The following ZC3H12B variants were observed in gnomAD, a reference collection of about 807,000 sequenced individuals.
ZC3H12B encodes the protein zinc finger CCCH-type containing 12B, also known as probable ribonuclease ZC3H12B.
A neutral mutation model predicts 43.9 loss-of-function variants in ZC3H12B; 7 were observed. The observed-to-expected ratio is 0.16, with a 90% CI of 0.09 to 0.30. ZC3H12B has a LOEUF of 0.30. Among genes scored for constraint, ZC3H12B ranks in the 10% least tolerant of loss-of-function variants. The pLI is 1.00. For missense variants in ZC3H12B, 475 were observed against 670.2 expected, an observed-to-expected ratio of 0.71 and a Z score of 3.22; for synonymous variants, 222 against 241.7, an observed-to-expected ratio of 0.92 and a Z score of 0.76.
At chrX:65,150,854 T>C in the ZC3H12B span, among the ~76,000 whole-genome samples, 1 of 111,449 alleles carries the variant, frequency 9.0e-6, no homozygotes, top group Admixed American at 9.6e-5. Context: ...CTTTTGGCAT[T>C]CTAGTCTCCA....
At chrX:65,326,362 G>T in the ZC3H12B span, among the ~76,000 whole-genome samples, 4 of 111,054 alleles carry the variant, frequency 3.6e-5, no homozygotes, top group East Asian at 2.8e-4. Flanking sequence ...CAAAAACATG[G>T]ATGAGACTGG....
At chrX:65,448,380 C>A (rs1406412830) in intron 3 of ZC3H12B, among the ~76,000 whole-genome samples, 1 of 112,215 alleles carries the variant, frequency 8.9e-6, no homozygotes, top group Non-Finnish European at 1.9e-5. Flanking sequence ...ATCCAGCAAT[C>A]CCACTACAGG....
chrX:65,310,053 G>T, the ZC3H12B span, among the ~76,000 whole-genome samples: 73 of 111,869 alleles, frequency 6.5e-4, no homozygotes, highest in Non-Finnish European at 1.0e-3. Flanking sequence ...ATACTGAATG[G>T]GCAAAACCTG....
chrX:65,449,026 G>T (rs1417597886), intron 3 of ZC3H12B, among the ~76,000 whole-genome samples: 1 of 61,931 alleles, frequency 1.6e-5, no homozygotes, highest in Non-Finnish European at 2.9e-5. Context: ...AAGGAAAGAA[G>T]GAAAGAAAGA....
chrX:65,167,465 G>A, the ZC3H12B span, among the ~76,000 whole-genome samples: 1 of 111,808 alleles, frequency 8.9e-6, no homozygotes, highest in Non-Finnish European at 1.9e-5. Context: ...GTAGTTTGAA[G>A]TCAGGTAGCG....
At chrX:65,408,451 C>G in intron 3 of ZC3H12B, 1 of 1,210,199 alleles carries the variant, frequency 8.3e-7, no homozygotes, top group Non-Finnish European at 1.1e-6. Flanking sequence ...ATGCCATCAT[C>G]GGGCAGCAGC....
chrX:65,080,272 G>A, the ZC3H12B span, among the ~76,000 whole-genome samples: 6 of 107,780 alleles, frequency 5.6e-5, no homozygotes, highest in Non-Finnish European at 1.1e-4. Context: ...TGACCTTAAC[G>A]AAGAGGTAGA....
the ZC3H12B span, among the ~76,000 whole-genome samples, chrX:65,055,888 G>C: frequency 8.9e-6 from 1 of 111,928 alleles, no homozygotes; most frequent in Non-Finnish European, 1.9e-5. Flanking sequence ...GGTGTTCATA[G>C]TATTCTCTGA....
intron 2 of ZC3H12B, among the ~76,000 whole-genome samples, chrX:65,385,315 T>C (rs2066507109): frequency 8.9e-6 from 1 of 111,961 alleles, no homozygotes; most frequent in Non-Finnish European, 1.9e-5. Flanking sequence ...TGTGTCCTCT[T>C]TTATTTCTTT....
At chrX:65,458,848 A>G (rs1352155408) in intron 3 of ZC3H12B, among the ~76,000 whole-genome samples, 1 of 111,623 alleles carries the variant, frequency 9.0e-6, no homozygotes, top group East Asian at 2.8e-4. Flanking sequence ...AAGACAAGAA[A>G]TAACTAAGAT....
At chrX:65,397,063 C>T (rs79778465) in intron 2 of ZC3H12B, among the ~76,000 whole-genome samples, 6 of 111,083 alleles carry the variant, frequency 5.4e-5, no homozygotes, top group Admixed American at 9.6e-5. Flanking sequence ...GGTAAATATT[C>T]CTCCATTCCT....
chrX:65,144,710 A>G, the ZC3H12B span, among the ~76,000 whole-genome samples: 2 of 111,303 alleles, frequency 1.8e-5, no homozygotes, highest in African/African-American at 6.5e-5. Context: ...TTTAATTTTC[A>G]TCTTGATTTC....
chrX:65,181,016 C>A, the ZC3H12B span, among the ~76,000 whole-genome samples: 1 of 111,331 alleles, frequency 9.0e-6, no homozygotes, highest in African/African-American at 3.3e-5. Flanking sequence ...TACAAACCTA[C>A]AGTAACCAAA....
the ZC3H12B span, among the ~76,000 whole-genome samples, chrX:65,352,467 T>A: frequency 2.1e-4 from 21 of 101,611 alleles, no homozygotes; most frequent in Non-Finnish European, 3.6e-4. Flanking sequence ...AAGTATAATT[T>A]AAAAAAAAAA....
At chrX:65,431,008 C>T (rs2067154868) in intron 3 of ZC3H12B, among the ~76,000 whole-genome samples, 1 of 112,210 alleles carries the variant, frequency 8.9e-6, no homozygotes, top group Non-Finnish European at 1.9e-5. Flanking sequence ...TAATTGGCCA[C>T]TTTGGCCAAC....
At chrX:65,169,350 G>A in the ZC3H12B span, among the ~76,000 whole-genome samples, 1 of 112,038 alleles carries the variant, frequency 8.9e-6, no homozygotes, top group Admixed American at 9.5e-5. Flanking sequence ...AGTTTTTAGT[G>A]AGTTTCTTAA....
the ZC3H12B span, among the ~76,000 whole-genome samples, chrX:65,210,021 G>A: frequency 1.6e-5 from 1 of 61,633 alleles, no homozygotes; most frequent in African/African-American, 2.1e-4. Context: ...AGGACTTCAT[G>A]TCCAAAACAC....
intron 3 of ZC3H12B, among the ~76,000 whole-genome samples, chrX:65,452,879 C>CACACACACACACA (rs767117957): frequency 9.4e-5 from 10 of 106,747 alleles, no homozygotes; most frequent in African/African-American, 3.2e-4. Flanking sequence ...CACACACACA[C>CACACACACACACA]CATGTTCATG....
the ZC3H12B span, among the ~76,000 whole-genome samples, chrX:65,181,156 G>A: frequency 9.0e-6 from 1 of 111,660 alleles, no homozygotes; most frequent in African/African-American, 3.3e-5. Flanking sequence ...ATGGGAAAAG[G>A]ATTTTCTATT....
Sources: gnomAD v4.1 joint callset for allele counts (sites outside exome capture counted in the v4.1 genomes callset) on GRCh38, gnomAD v4.1.1 for gene constraint, MANE v1.5 for transcripts, NCBI Gene and HGNC (gene_info 2026-07-23, HGNC 2026-07-21) for gene names.